The following CPD variants were observed in gnomAD, a reference collection of about 807,000 sequenced individuals.
CPD encodes the protein metallocarboxypeptidase D.
In CPD, 69 loss-of-function variants were observed where a neutral mutation model predicts 138.3. That is an observed-to-expected ratio of 0.50 (90% CI 0.41 to 0.61). The LOEUF (loss-of-function observed/expected upper bound fraction) is 0.61. CPD is among the 20% of genes least tolerant of loss of function. CPD has a pLI of 0.00. For synonymous variants in CPD, 651 were observed against 642.1 expected (o/e 1.01, Z -0.21); for missense variants, 1,432 against 1,733.3 (o/e 0.83, Z 3.09).
intron 2 of CPD, among the ~76,000 whole-genome samples, chr17:30,405,130 C>T (rs1323027203): frequency 1.3e-5 from 2 of 152,072 alleles, no homozygotes; most frequent in Non-Finnish European, 2.9e-5. Flanking sequence ...TCACAGAAAC[C>T]GTCTGTGGTC....
intron 2 of CPD, among the ~76,000 whole-genome samples, chr17:30,401,657 T>C (rs192599760): frequency 6.6e-6 from 1 of 152,188 alleles, no homozygotes; most frequent in East Asian, 1.9e-4. Context: ...CTTATTTTTT[T>C]GTATTTTTTG....
chr17:30,398,388 A>C (rs1911564943), intron 2 of CPD, among the ~76,000 whole-genome samples: 2 of 152,222 alleles, frequency 1.3e-5, no homozygotes, highest in Admixed American at 6.5e-5. Flanking sequence ...TTTACTTCCA[A>C]AATTAAAATT....
At chr17:30,461,779 TTTG>T (rs1279357698) in intron 18 of CPD, 95 bp from the exon 19 acceptor site, 2 of 950,906 alleles carry the variant, frequency 2.1e-6, no homozygotes, top group Admixed American at 4.8e-5. Flanking sequence ...TTTTGTTTTG[TTTG>T]TTTGTTTGGT....
chr17:30,426,605 C>CAG (rs1912415610), intron 6 of CPD, among the ~76,000 whole-genome samples: 1 of 152,200 alleles, frequency 6.6e-6, no homozygotes, highest in South Asian at 2.1e-4. Flanking sequence ...TTAGGTTCTA[C>CAG]AGTAGTGATG....
chr17:30,444,820 G>A (rs542126109), intron 11 of CPD, among the ~76,000 whole-genome samples: 1 of 152,192 alleles, frequency 6.6e-6, no homozygotes, highest in Admixed American at 6.5e-5. Flanking sequence ...GAGTTAGTTT[G>A]AATACCCATT....
Position 30,379,455 on chromosome 17 carries a change from G to A in CPD, c.475G>A (p.Gly159Ser), listed in dbSNP as rs1351573478. ...LIYLARELAA[G>S]YRRGDPRLVR... is the part of the protein sequence containing the mutation. ...CTACTTGGCCCGCGAGCTGGCGGCC[G>A]GCTACCGCCGCGGGGACCCGCGCCT... Residue 159 changes from glycine (G) to serine (S), a missense_variant, in exon 1 of 21, where the codon GGC becomes AGC. Around this residue, in one of 6 missense-constraint regions of CPD, gnomAD observed 484 missense variants for 477.2 expected, o/e 1.01. Transcript: ENST00000225719. The surrounding 1 kb of genome is among the most constrained non-coding windows in gnomAD (Gnocchi z 7.0). The A allele has an allele frequency of 2.5e-6, 4 of 1,571,158 alleles. No individual in the cohort carries two copies. Among genetic ancestry groups the A allele is most frequent in the South Asian group, 2.3e-5 (2 of 87,700 alleles).
intron 13 of CPD, 152 bp from the exon 14 acceptor site, chr17:30,451,559 G>C: frequency 1.4e-6 from 1 of 690,080 alleles, no homozygotes. Context: ...TGAAGCAAAA[G>C]GAAATTTAAT....
At chr17:30,463,550 G>T in intron 20 of CPD, among the ~76,000 whole-genome samples, 1 of 152,170 alleles carries the variant, frequency 6.6e-6, no homozygotes, top group East Asian at 1.9e-4. Flanking sequence ...TCATGTCATT[G>T]CTTGGATTAC....
At chr17:30,455,832 CCT>C (rs1471602352) in intron 15 of CPD, 4 of 238,834 alleles carry the variant, frequency 1.7e-5, no homozygotes, top group African/African-American at 9.2e-5. Flanking sequence ...TTTGTCCTTC[CCT>C]GTTTTAAACT....
intron 2 of CPD, among the ~76,000 whole-genome samples, chr17:30,387,096 A>AT (rs1911211840): frequency 1.3e-5 from 2 of 152,126 alleles, no homozygotes; most frequent in Admixed American, 1.3e-4. Context: ...ATGAAATGTT[A>AT]TTTTTTAAAG....
chr17:30,428,557 T>TA (rs1330829084), intron 7 of CPD, among the ~76,000 whole-genome samples: 2 of 152,208 alleles, frequency 1.3e-5, no homozygotes, highest in African/African-American at 4.8e-5. Context: ...CTTGAAACCT[T>TA]ACACTAAGTG....
chr17:30,419,163 G>T (rs577510940), intron 2 of CPD, among the ~76,000 whole-genome samples: 1 of 152,218 alleles, frequency 6.6e-6, no homozygotes, highest in South Asian at 2.1e-4. Context: ...TCAAAGTTTT[G>T]TTATTTTTGC....
At position 30,431,760 on chromosome 17, in the gene CPD, T is replaced by C. The variant is rs532305636; in HGVS notation, c.2018-12T>C. 1 of 1,570,460 alleles carries C rather than the reference T, an allele frequency of 6.4e-7. No homozygotes were observed. Among genetic ancestry groups the C allele is most frequent in the African/African-American group, 1.4e-5 (1 of 74,062 alleles). On this transcript the variant is annotated splice_polypyrimidine_tract_variant and intron_variant, in intron 7 of 20. Coordinates refer to ENST00000225719, the MANE Select transcript of CPD (RefSeq NM_001304.5). ...CAGACAACATGATACATTTTCCTCTTTTCCCTTATAGGTTCTTTGGTGGTT... is the reference window on the plus strand; with the variant it reads ...CAGACAACATGATACATTTTCCTCTCTTCCCTTATAGGTTCTTTGGTGGTT...
At chr17:30,415,649 A>G (rs1292085927) in intron 2 of CPD, among the ~76,000 whole-genome samples, 1 of 152,206 alleles carries the variant, frequency 6.6e-6, no homozygotes, top group East Asian at 1.9e-4. Flanking sequence ...TGGCCAACAA[A>G]CATTGAAAAG....
chr17:30,446,723 C>T (rs374265550), intron 12 of CPD, among the ~76,000 whole-genome samples: 2 of 152,068 alleles, frequency 1.3e-5, no homozygotes, highest in East Asian at 1.9e-4. Context: ...ATGGTATTTC[C>T]AGTTCTAGAT....
intron 2 of CPD, among the ~76,000 whole-genome samples, chr17:30,394,756 G>A (rs918265618): frequency 5.3e-5 from 8 of 152,140 alleles, no homozygotes; most frequent in Non-Finnish European, 7.3e-5. Flanking sequence ...ATTGACCATC[G>A]TTTAAATAGC....
chr17:30,445,157 G>A (rs1226070387), intron 11 of CPD, among the ~76,000 whole-genome samples: 3 of 152,034 alleles, frequency 2.0e-5, no homozygotes, highest in African/African-American at 7.2e-5. Context: ...TTCTTTTGAA[G>A]CCATATATTT....
chr17:30,426,250 GCTGCA>G (rs1224195164), intron 6 of CPD, among the ~76,000 whole-genome samples: 2 of 151,344 alleles, frequency 1.3e-5, no homozygotes, highest in Non-Finnish European at 2.9e-5. Flanking sequence ...CTTCCTGCCT[GCTGCA>G]CAGGCAAAAC....
intron 2 of CPD, among the ~76,000 whole-genome samples, chr17:30,415,157 G>A (rs559859243): frequency 1.3e-5 from 2 of 152,064 alleles, no homozygotes; most frequent in African/African-American, 4.8e-5. Flanking sequence ...TCTAGAAGTC[G>A]TCCTTGATTT....
Sources: gnomAD v4.1 joint callset for allele counts (sites outside exome capture counted in the v4.1 genomes callset) on GRCh38, gnomAD v4.1.1 for gene constraint, gnomAD v4.1.1 regional missense constraint, Gnocchi (gnomAD v3.1) non-coding constraint, MANE v1.5 for transcripts, NCBI Gene and HGNC (gene_info 2026-07-23, HGNC 2026-07-21) for gene names.